C8orf34: variants seen among roughly 807,000 people sequenced by gnomAD.
C8orf34 encodes uncharacterized protein C8orf34.
A neutral mutation model predicts 68.3 loss-of-function variants in C8orf34; 65 were observed. The ratio of observed to expected loss-of-function variants is 0.95; its 90% CI spans 0.78 to 1.17. The LOEUF (loss-of-function observed/expected upper bound fraction) is 1.17. Ranked by LOEUF, C8orf34 falls within the 50% of genes most tolerant of loss-of-function variation. C8orf34 has a pLI of 0.00. For synonymous variants in C8orf34, 244 were observed against 241.2 expected (o/e 1.01, Z -0.11); for missense variants, 664 against 655.4 (o/e 1.01, Z -0.14).
rs928472853 is a variant in C8orf34 at position 68,802,637 on chromosome 8, T to C, written c.1550-13249T>C. ...CCTCAGCCTCCCGAGTAGCTGGGACTACAGGGGTATGCCACCATGCCAGAT... is the reference window on the plus strand; with the variant it reads ...CCTCAGCCTCCCGAGTAGCTGGGACCACAGGGGTATGCCACCATGCCAGAT... On this transcript the variant is annotated intron_variant, in intron 12 of 13. Transcript: ENST00000518698. Among the ~76,000 whole-genome samples the C allele has an allele frequency of 1.3e-4, 20 of 152,202 alleles. No homozygotes were observed. The Middle Eastern group carries it at 0.01, about 78-fold the overall frequency.
At chr8:68,569,409 A>T (rs1816696817) in intron 7 of C8orf34, among the ~76,000 whole-genome samples, 1 of 152,208 alleles carries the variant, frequency 6.6e-6, no homozygotes, top group African/African-American at 2.4e-5. Context: ...CACAAACAGG[A>T]ACCCACAGAG....
In C8orf34 at chr8:68,493,659, C is replaced by T. The variant is rs1004824928; in HGVS notation, c.765+5608C>T. Among the ~76,000 whole-genome samples the T allele has an allele frequency of 2.0e-5, 3 of 152,104 alleles. No homozygotes were observed. In the East Asian group the frequency reaches 5.8e-4, roughly 29 times the overall value. ...CCAAAATTCATATTGACATGTAATC[C>T]CCAATGTAAGAGCATTAAGAAGCAG... On this transcript the variant is annotated intron_variant, in intron 5 of 13. Coordinates refer to ENST00000518698, the MANE Select transcript of C8orf34 (RefSeq NM_052958.4).
intron 1 of C8orf34, among the ~76,000 whole-genome samples, chr8:68,389,187 G>A (rs766682517): frequency 2.0e-5 from 3 of 152,088 alleles, no homozygotes; most frequent in Non-Finnish European, 4.4e-5. Flanking sequence ...TGTCCTCATG[G>A]AGCCTGTTAT....
intron 7 of C8orf34, among the ~76,000 whole-genome samples, chr8:68,593,092 T>C (rs1423411092): frequency 1.3e-5 from 2 of 152,126 alleles, no homozygotes; most frequent in African/African-American, 2.4e-5. Flanking sequence ...TACATTTTCC[T>C]GAGATTCATC....
At chr8:68,694,805 T>C (rs968753583) in intron 8 of C8orf34, among the ~76,000 whole-genome samples, 2 of 152,106 alleles carry the variant, frequency 1.3e-5, no homozygotes, top group African/African-American at 4.8e-5. Context: ...TTTTAATTAC[T>C]TGCTATGGTA....
At chr8:68,525,960 T>TTTA (rs1563507708) in intron 6 of C8orf34, 2 of 236,658 alleles carry the variant, frequency 8.5e-6, no homozygotes, top group African/African-American at 5.1e-5. Context: ...TTCTTTCTTT[T>TTTA]TTTTTTTTTT....
At chr8:68,729,840 A>C (rs940660143) in intron 10 of C8orf34, among the ~76,000 whole-genome samples, 6 of 152,160 alleles carry the variant, frequency 3.9e-5, no homozygotes, top group African/African-American at 1.4e-4. Flanking sequence ...TGCCCACAGA[A>C]ACATTTTGTC....
intron 7 of C8orf34, among the ~76,000 whole-genome samples, chr8:68,536,209 C>T (rs537423811): frequency 1.3e-5 from 2 of 151,366 alleles, no homozygotes; most frequent in Admixed American, 6.6e-5. Context: ...GACGAAACCT[C>T]GTCTCTACAA....
intron 10 of C8orf34, among the ~76,000 whole-genome samples, chr8:68,744,396 C>T (rs1362430836): frequency 2.0e-5 from 3 of 152,132 alleles, no homozygotes; most frequent in South Asian, 2.1e-4. Flanking sequence ...ATGACTTTGA[C>T]GAGCTGAGAG....
intron 8 of C8orf34, among the ~76,000 whole-genome samples, chr8:68,698,700 G>T (rs534261665): frequency 4.6e-5 from 7 of 152,028 alleles, no homozygotes; most frequent in Non-Finnish European, 7.4e-5. Flanking sequence ...GCTTTAAAAA[G>T]ATTCCTTACA....
intron 3 of C8orf34, among the ~76,000 whole-genome samples, chr8:68,467,276 A>G (rs1309426522): frequency 1.3e-5 from 2 of 152,036 alleles, no homozygotes; most frequent in Non-Finnish European, 2.9e-5. Context: ...TTCATGGTTG[A>G]GCCATAAGAT....
At chr8:68,610,534 T>C (rs1817985286) in intron 7 of C8orf34, among the ~76,000 whole-genome samples, 1 of 152,172 alleles carries the variant, frequency 6.6e-6, no homozygotes, top group African/African-American at 2.4e-5. Flanking sequence ...ACTTAGATAA[T>C]TAAAGACAGG....
At chr8:68,626,495 C>A (rs1382705427) in intron 7 of C8orf34, among the ~76,000 whole-genome samples, 1 of 152,156 alleles carries the variant, frequency 6.6e-6, no homozygotes, top group Non-Finnish European at 1.5e-5. Flanking sequence ...ACAATTAGTA[C>A]ATAATACATT....
chr8:68,462,823 C>T lies in C8orf34; in HGVS notation c.608-5869C>T, dbSNP rs978824030. Among the ~76,000 whole-genome samples the T allele has an allele frequency of 5.3e-5, 8 of 151,954 alleles. 1 individual carries two copies. The highest frequency in any genetic ancestry group is 3.4e-3 in the Middle Eastern group (1 of 294). ...AGAGGGAAATGTATAACACTAAATG[C>T]CCACAAAAGAAAGCAGGAAAGATCC... On this transcript the variant is annotated intron_variant, in intron 3 of 13. Transcript: ENST00000518698.
chr8:68,614,002 T>C (rs1818111236), intron 7 of C8orf34, among the ~76,000 whole-genome samples: 3 of 152,242 alleles, frequency 2.0e-5, no homozygotes, highest in African/African-American at 7.2e-5. Flanking sequence ...TGAGATGGTA[T>C]GTCATTGAGG....
intron 7 of C8orf34, among the ~76,000 whole-genome samples, chr8:68,625,846 G>T (rs560966312): frequency 1.3e-5 from 2 of 152,168 alleles, no homozygotes; most frequent in Admixed American, 6.6e-5. Flanking sequence ...AAGGAAGTTT[G>T]GAGGGGAGAT....
At chr8:68,593,066 A>T (rs1280963420) in intron 7 of C8orf34, among the ~76,000 whole-genome samples, 1 of 152,124 alleles carries the variant, frequency 6.6e-6, no homozygotes, top group Non-Finnish European at 1.5e-5. Context: ...CAAGACATGA[A>T]GTCCTCATCT....
In C8orf34 at chr8:68,623,778, A is replaced by C. The variant is rs998921184; in HGVS notation, c.1106-16598A>C. Among the ~76,000 whole-genome samples the C allele has an allele frequency of 2.6e-5, 4 of 151,914 alleles. No individual in the cohort carries two copies. In the East Asian group the frequency reaches 7.8e-4, roughly 29 times the overall value. On this transcript the variant is annotated intron_variant, in intron 7 of 13. Transcript: ENST00000518698. ...AGAGCTCACTGGGGTCCCTCCTATA[A>C]GGACACTAATCCTATTCATGAGTGT...
chr8:68,798,354 T>C (rs931300765), intron 12 of C8orf34, among the ~76,000 whole-genome samples: 4 of 148,596 alleles, frequency 2.7e-5, no homozygotes, highest in African/African-American at 7.5e-5. Flanking sequence ...CAGTGTGCAG[T>C]GGCGTGATCA....
Sources: allele counts gnomAD v4.1 joint callset (sites outside exome capture counted in the v4.1 genomes callset), GRCh38; gene constraint gnomAD v4.1.1; transcripts MANE v1.5; gene names NCBI Gene and HGNC (gene_info 2026-07-23, HGNC 2026-07-21).